The following HS3ST5 variants were observed in gnomAD, a reference collection of about 807,000 sequenced individuals.
HS3ST5 encodes heparan sulfate-glucosamine 3-sulfotransferase 5, also known as heparan sulfate glucosamine 3-O-sulfotransferase 5.
HS3ST5 carries 10 observed loss-of-function variants against 25.4 expected under a neutral mutation model. The observed-to-expected ratio is 0.39, with a 90% CI of 0.24 to 0.67. The LOEUF (loss-of-function observed/expected upper bound fraction) is 0.67, where lower values mean the gene tolerates loss of function less well. Among genes scored for constraint, HS3ST5 ranks in the 30% least tolerant of loss-of-function variants. HS3ST5 has a pLI of 0.44. For missense variants in HS3ST5, 324 were observed against 420.7 expected (o/e 0.77, Z 2.01); for synonymous variants, 170 against 162.4 (o/e 1.05, Z -0.36).
chr6:114,263,935 T>C (rs1283160977), intron 1 of HS3ST5, among the ~76,000 whole-genome samples: 1 of 152,080 alleles, frequency 6.6e-6, no homozygotes, highest in African/African-American at 2.4e-5. Context: ...ACAGCCATGG[T>C]ATCTCAATCA....
At chr6:114,219,201 T>C (rs1781914510) in intron 2 of HS3ST5, among the ~76,000 whole-genome samples, 1 of 152,244 alleles carries the variant, frequency 6.6e-6, no homozygotes, top group Non-Finnish European at 1.5e-5. Flanking sequence ...TCTGTCAAGC[T>C]GTACTTCCAA....
chr6:114,230,057 A>G (rs1243884196), intron 1 of HS3ST5: 1 of 152,044 alleles, frequency 6.6e-6, no homozygotes, highest in African/African-American at 2.4e-5. Context: ...TTTAACTCCA[A>G]TAAGGAGAAG....
intron 2 of HS3ST5, among the ~76,000 whole-genome samples, chr6:114,186,121 A>G (rs1008148579): frequency 1.1e-4 from 17 of 151,970 alleles, no homozygotes; most frequent in Non-Finnish European, 2.4e-4. Context: ...TGCGAGACAC[A>G]TTAGTATTAA....
At chr6:114,079,239 G>A (rs975598202) in intron 3 of HS3ST5, among the ~76,000 whole-genome samples, 3 of 152,172 alleles carry the variant, frequency 2.0e-5, no homozygotes, top group African/African-American at 7.2e-5. Context: ...TCAGTGGGAT[G>A]CAATATTGTT....
intron 2 of HS3ST5, among the ~76,000 whole-genome samples, chr6:114,180,866 G>C (rs372217723): frequency 6.8e-4 from 104 of 152,266 alleles, no homozygotes; most frequent in African/African-American, 2.3e-3. Context: ...GTTCATAGCA[G>C]GTATCCCTCA....
At chr6:114,109,579 C>T (rs925147225) in intron 3 of HS3ST5, among the ~76,000 whole-genome samples, 6 of 152,206 alleles carry the variant, frequency 3.9e-5, no homozygotes, top group Non-Finnish European at 8.8e-5. Flanking sequence ...CACTCCTTCC[C>T]TTCCTCTCTG....
At chr6:114,236,519 A>T (rs1036152987) in intron 1 of HS3ST5, among the ~76,000 whole-genome samples, 8 of 152,096 alleles carry the variant, frequency 5.3e-5, no homozygotes, top group African/African-American at 1.9e-4. Context: ...TAACAGGTGA[A>T]TTTTTCTGTG....
At chr6:114,263,709 T>C (rs1036498847) in intron 1 of HS3ST5, among the ~76,000 whole-genome samples, 14 of 152,184 alleles carry the variant, frequency 9.2e-5, no homozygotes, top group African/African-American at 3.4e-4. Flanking sequence ...ACAAGGTATG[T>C]AGTCAGCAGT....
chr6:114,191,292 A>T lies in HS3ST5; in HGVS notation c.-144-22830T>A, dbSNP rs142878375. On this transcript the variant is annotated intron_variant, in intron 2 of 4. Transcript: ENST00000312719. ...AGTAATTACTATAAAATGAAAATAT[A>T]CTTAAATGTATAATTATTGTCACTC... is the stretch of plus-strand genomic sequence containing the variant. 3.0e-3 allele frequency among the ~76,000 whole-genome samples: 457 copies of T among 152,278 alleles called. 4 individuals are homozygous for T. The highest frequency in any genetic ancestry group is 0.011 in the African/African-American group (449 of 41,562).
At chr6:114,205,313 T>C (rs554912246) in intron 2 of HS3ST5, among the ~76,000 whole-genome samples, 111 of 152,178 alleles carry the variant, frequency 7.3e-4, no homozygotes, top group South Asian at 3.3e-3. Context: ...CTCATGGAAC[T>C]CAGGAAAACA....
At chr6:114,058,933 C>G (rs1296417775) in intron 4 of HS3ST5, 1 of 152,212 alleles carries the variant, frequency 6.6e-6, no homozygotes, top group Non-Finnish European at 1.5e-5. Flanking sequence ...ACACCTGGGA[C>G]CAGGCATCAA....
At chr6:114,189,768 G>C (rs1047685922) in intron 2 of HS3ST5, among the ~76,000 whole-genome samples, 24 of 152,178 alleles carry the variant, frequency 1.6e-4, no homozygotes, top group Admixed American at 1.2e-3. Flanking sequence ...GTCTGGTTTT[G>C]TTTGTCAAAT....
chr6:114,111,217 T>C (rs1009984056), intron 3 of HS3ST5, among the ~76,000 whole-genome samples: 1 of 152,222 alleles, frequency 6.6e-6, no homozygotes, highest in African/African-American at 2.4e-5. Context: ...CAATGGAGCA[T>C]AACTAATTCA....
chr6:114,099,187 GC>G (rs1194808010), intron 3 of HS3ST5, among the ~76,000 whole-genome samples: 1 of 152,100 alleles, frequency 6.6e-6, no homozygotes. Flanking sequence ...TCAGCCATAA[GC>G]CTTAGCTTGT....
chr6:114,154,090 G>T (rs927459973), intron 3 of HS3ST5, among the ~76,000 whole-genome samples: 2 of 152,164 alleles, frequency 1.3e-5, no homozygotes, highest in Non-Finnish European at 2.9e-5. Context: ...GATGCTGAAG[G>T]TTTGGCTCTT....
chr6:114,264,244 A>G (rs972151091), intron 1 of HS3ST5, among the ~76,000 whole-genome samples: 1 of 152,208 alleles, frequency 6.6e-6, no homozygotes, highest in Non-Finnish European at 1.5e-5. Flanking sequence ...GATTGCCTCT[A>G]GACCTTTGTT....
chr6:114,228,220 T>G (rs1447487823), intron 2 of HS3ST5, among the ~76,000 whole-genome samples: 1 of 152,080 alleles, frequency 6.6e-6, no homozygotes, highest in Non-Finnish European at 1.5e-5. Context: ...GGATCTACGT[T>G]TCTGTGAAAT....
At chr6:114,205,582 T>G (rs62415807) in intron 2 of HS3ST5, among the ~76,000 whole-genome samples, 33,307 of 152,046 alleles carry the variant, frequency 0.22, 3,790 homozygotes, top group Middle Eastern at 0.27. Context: ...ATGATTTAAC[T>G]CAATCACCAG....
intron 1 of HS3ST5, among the ~76,000 whole-genome samples, chr6:114,300,931 A>G (rs1182604761): frequency 6.6e-6 from 1 of 152,188 alleles, no homozygotes; most frequent in African/African-American, 2.4e-5. Flanking sequence ...AGATTTGTAT[A>G]AAATGCTCAG....
Sources: allele counts gnomAD v4.1 joint callset (sites outside exome capture counted in the v4.1 genomes callset), GRCh38; gene constraint gnomAD v4.1.1; transcripts MANE v1.5; gene names NCBI Gene and HGNC (gene_info 2026-07-23, HGNC 2026-07-21).